Variants in MYO10 observed in about 807,000 individuals in gnomAD.
MYO10 encodes the protein unconventional myosin-X.
MYO10 carries 133 observed loss-of-function variants against 257.3 expected under a neutral mutation model. The ratio of observed to expected loss-of-function variants is 0.52; its 90% CI spans 0.45 to 0.60. MYO10 has a LOEUF of 0.60. Among genes scored for constraint, MYO10 ranks in the 20% least tolerant of loss-of-function variants. MYO10 has a pLI of 0.00. For missense variants in MYO10, 2,399 were observed against 2,635.7 expected (o/e 0.91, Z 1.97); for synonymous variants, 1,104 against 1,028.6 (o/e 1.07, Z -1.40).
intron 1 of MYO10, among the ~76,000 whole-genome samples, chr5:16,911,602 C>G (rs1240160195): frequency 6.6e-6 from 1 of 151,948 alleles, no homozygotes; most frequent in Non-Finnish European, 1.5e-5. Context: ...TATTGTGGTG[C>G]ACGCCTGTAG....
intron 19 of MYO10, among the ~76,000 whole-genome samples, chr5:16,735,468 G>A (rs1333266692): frequency 6.6e-6 from 1 of 152,132 alleles, no homozygotes; most frequent in Non-Finnish European, 1.5e-5. Flanking sequence ...AATTTGGAAA[G>A]CTGAGGCAGA....
At chr5:16,887,876 T>C (rs1024674678) in intron 1 of MYO10, among the ~76,000 whole-genome samples, 1 of 152,158 alleles carries the variant, frequency 6.6e-6, no homozygotes, top group African/African-American at 2.4e-5. Context: ...TAAACTACAG[T>C]GACCAGAAAT....
intron 3 of MYO10, among the ~76,000 whole-genome samples, chr5:16,816,333 GTCTC>G: frequency 2.0e-5 from 1 of 50,456 alleles, no homozygotes. Flanking sequence ...GTGAGACTCT[GTCTC>G]AAAAAAAAAA....
Position 16,685,798 on chromosome 5 carries a change from C to G in MYO10, c.3930G>C (p.Ala1310=). ...TCTCCTGGATCTCCTGGTCCGTGGACGCGTGGACCTGACTCAGCACGCTGA... is the reference window on the plus strand; with the variant it reads ...TCTCCTGGATCTCCTGGTCCGTGGAGGCGTGGACCTGACTCAGCACGCTGA... ...QWFSVLSQVH[A]STDQEIQEMH... is the part of the protein sequence containing the mutation. Residue 1310 remains alanine (A), a synonymous_variant, in exon 29 of 41, where the codon GCG becomes GCC. Transcript: ENST00000513610. 6.2e-7 allele frequency: 1 copy of G among 1,603,180 alleles called. No individual in the cohort carries two copies. Among genetic ancestry groups the G allele is most frequent in the South Asian group, 1.1e-5 (1 of 88,668 alleles).
rs890652633 is a variant in MYO10 at position 16,702,799 on chromosome 5, T to C, written c.2510+126A>G. On this transcript the variant is annotated intron_variant, in intron 23 of 40. Coordinates refer to ENST00000513610, the MANE Select transcript of MYO10 (RefSeq NM_012334.3). ...CAAGGAATTTTATATTCTAGCCACC[T>C]AGAGTTACTGTTTCAAATTGTAGGT... 8.1e-6 allele frequency: 8 copies of C among 981,904 alleles called. No individual in the cohort carries two copies. In the South Asian group the frequency reaches 1.0e-4, roughly 13 times the overall value. 60.8% of individuals were successfully genotyped at this position (981,904 alleles called of 1,614,324 possible).
chr5:16,807,942 A>T (rs1742326821), intron 3 of MYO10, among the ~76,000 whole-genome samples: 1 of 151,884 alleles, frequency 6.6e-6, no homozygotes, highest in Non-Finnish European at 1.5e-5. Flanking sequence ...CCTTTCATTT[A>T]CTCAGTCTTT....
chr5:16,765,453 G>A (rs1740835721), intron 11 of MYO10, among the ~76,000 whole-genome samples: 1 of 152,110 alleles, frequency 6.6e-6, no homozygotes, highest in South Asian at 2.1e-4. Context: ...TTCTGATCAT[G>A]TAAGTTAATA....
chr5:16,677,491 G>C (rs914858264), intron 33 of MYO10, among the ~76,000 whole-genome samples: 15 of 140,286 alleles, frequency 1.1e-4, no homozygotes, highest in Admixed American at 5.5e-4. Context: ...TCTTGGCTCA[G>C]TGCAAGCTCC....
intron 40 of MYO10, among the ~76,000 whole-genome samples, chr5:16,667,659 C>T (rs1288158680): frequency 2.0e-5 from 3 of 151,308 alleles, no homozygotes; most frequent in East Asian, 1.9e-4. Context: ...GCAGCTGGAA[C>T]GCCCTCCTCA....
intron 19 of MYO10, among the ~76,000 whole-genome samples, chr5:16,744,019 A>C (rs369476918): frequency 1.3e-5 from 2 of 152,198 alleles, no homozygotes; most frequent in African/African-American, 4.8e-5. Context: ...AAAAAAGTCT[A>C]TTAATGTTAA....
chr5:16,744,496 G>A (rs998212869), intron 19 of MYO10, among the ~76,000 whole-genome samples: 7 of 152,126 alleles, frequency 4.6e-5, no homozygotes, highest in African/African-American at 1.2e-4. Context: ...CCATGCCAAC[G>A]GGATTATGGT....
In MYO10 at chr5:16,785,375, G is replaced by T. The variant is rs1015834580; in HGVS notation, c.468-1906C>A. Among the ~76,000 whole-genome samples the T allele has an allele frequency of 7.2e-4, 110 of 152,340 alleles. 1 individual carries two copies. The highest frequency in any genetic ancestry group is 6.8e-3 in the Middle Eastern group (2 of 292). On this transcript the variant is annotated intron_variant, in intron 4 of 40. Coordinates refer to ENST00000513610, the MANE Select transcript of MYO10 (RefSeq NM_012334.3). ...ACCAAGAGAGACAGTTTCAAGGAAC[G>T]ATTTAAATCATCTTCCATATTTAAA... is the stretch of plus-strand genomic sequence containing the variant.
chr5:16,801,950 A>C (rs764108315), intron 3 of MYO10, among the ~76,000 whole-genome samples: 13 of 152,212 alleles, frequency 8.5e-5, no homozygotes, highest in African/African-American at 1.2e-4. Context: ...TCAGCCCTGA[A>C]AGGGATGGAA....
chr5:16,735,032 CT>C (rs1036454423), intron 19 of MYO10, among the ~76,000 whole-genome samples: 1 of 152,172 alleles, frequency 6.6e-6, no homozygotes, highest in African/African-American at 2.4e-5. Flanking sequence ...AACCAATGAC[CT>C]GTGGCTGGTA....
intron 2 of MYO10, among the ~76,000 whole-genome samples, chr5:16,845,112 C>T (rs1743595054): frequency 6.6e-6 from 1 of 152,090 alleles, no homozygotes; most frequent in Non-Finnish European, 1.5e-5. Flanking sequence ...TTTAAAAGTG[C>T]TATACAGAAC....
chr5:16,715,969 T>C (rs374439861), intron 19 of MYO10, among the ~76,000 whole-genome samples: 3 of 151,412 alleles, frequency 2.0e-5, no homozygotes, highest in African/African-American at 7.3e-5. Flanking sequence ...GGCAGGAAAA[T>C]TGCTTGAACC....
At chr5:16,730,937 T>C (rs1033422083) in intron 19 of MYO10, among the ~76,000 whole-genome samples, 2 of 152,122 alleles carry the variant, frequency 1.3e-5, no homozygotes, top group Non-Finnish European at 2.9e-5. Context: ...CATGGGAAGG[T>C]TGAAATCAGG....
At chr5:16,835,965 T>C (rs1440065366) in intron 2 of MYO10, among the ~76,000 whole-genome samples, 1 of 152,168 alleles carries the variant, frequency 6.6e-6, no homozygotes, top group African/African-American at 2.4e-5. Context: ...TGTAAGTGTC[T>C]ATGAAAGCAA....
chr5:16,866,979 C>T (rs995300991), intron 2 of MYO10, among the ~76,000 whole-genome samples: 2 of 152,208 alleles, frequency 1.3e-5, no homozygotes, highest in African/African-American at 4.8e-5. Context: ...GGCCAGCTGC[C>T]ACTCACTCAG....
Sources: gnomAD v4.1 joint callset for allele counts (sites outside exome capture counted in the v4.1 genomes callset) on GRCh38, gnomAD v4.1.1 for gene constraint, MANE v1.5 for transcripts, NCBI Gene and HGNC (gene_info 2026-07-23, HGNC 2026-07-21) for gene names.